SGCD: variants seen among roughly 807,000 people sequenced by gnomAD.
The protein encoded by SGCD is sarcoglycan delta.
A neutral mutation model predicts 36.6 loss-of-function variants in SGCD; 18 were observed. The ratio of observed to expected loss-of-function variants is 0.49; its 90% CI spans 0.34 to 0.73. The LOEUF (loss-of-function observed/expected upper bound fraction) is 0.73, where lower values mean the gene tolerates loss of function less well. Among genes scored for constraint, SGCD ranks in the 30% least tolerant of loss-of-function variants. The pLI, the probability that SGCD is intolerant of heterozygous loss-of-function variation, is 0.01. For missense variants in SGCD, 387 were observed against 346.7 expected, an observed-to-expected ratio of 1.12 and a Z score of -0.92; for synonymous variants, 133 against 130.6, an observed-to-expected ratio of 1.02 and a Z score of -0.12.
intron 4 of SGCD, among the ~76,000 whole-genome samples, chr5:156,563,711 G>A (rs755199914): frequency 6.6e-6 from 1 of 152,052 alleles, no homozygotes; most frequent in Non-Finnish European, 1.5e-5. Context: ...GGATCAGTTG[G>A]TCAGTTCTGA....
At chr5:156,685,365 T>C (rs1753866505) in intron 7 of SGCD, among the ~76,000 whole-genome samples, 4 of 152,166 alleles carry the variant, frequency 2.6e-5, no homozygotes, top group Non-Finnish European at 5.9e-5. Context: ...AAGTTGTCGG[T>C]GTTGCTCTAT....
At chr5:155,939,659 AT>A (rs1561656741) in intron 1 of SGCD, among the ~76,000 whole-genome samples, 8 of 139,576 alleles carry the variant, frequency 5.7e-5, no homozygotes, top group Admixed American at 1.5e-4. Context: ...AAAAAAAAAA[AT>A]AATAATAATG....
intron 3 of SGCD, among the ~76,000 whole-genome samples, chr5:156,126,521 A>C (rs1384269700): frequency 6.6e-6 from 1 of 152,154 alleles, no homozygotes; most frequent in Non-Finnish European, 1.5e-5. Flanking sequence ...CATGTTCATC[A>C]CAGGGCTCTG....
chr5:156,402,543 G>A (rs1014491790), intron 3 of SGCD, among the ~76,000 whole-genome samples: 1 of 152,176 alleles, frequency 6.6e-6, no homozygotes, highest in Non-Finnish European at 1.5e-5. Context: ...TTCAGAAGGG[G>A]GTGGGAAGAG....
At chr5:156,730,218 G>C (rs1048024753) in intron 7 of SGCD, among the ~76,000 whole-genome samples, 1 of 152,092 alleles carries the variant, frequency 6.6e-6, no homozygotes, top group Non-Finnish European at 1.5e-5. Context: ...CCTAGATTCT[G>C]TGCAGTTTTT....
intron 3 of SGCD, among the ~76,000 whole-genome samples, chr5:156,286,708 G>C (rs1211475994): frequency 6.6e-6 from 1 of 152,040 alleles, no homozygotes; most frequent in Non-Finnish European, 1.5e-5. Context: ...AGCATTTGGA[G>C]ATATATCTAA....
chr5:155,902,572 A>G (rs932911799), intron 1 of SGCD, among the ~76,000 whole-genome samples: 3 of 152,216 alleles, frequency 2.0e-5, no homozygotes, highest in Non-Finnish European at 2.9e-5. Context: ...TATGCAAACC[A>G]GGTCAGGAAC....
upstream of SGCD, among the ~76,000 whole-genome samples, chr5:155,869,994 G>A (rs979305713): frequency 2.0e-4 from 25 of 122,948 alleles, no homozygotes; most frequent in Non-Finnish European, 3.5e-4. Context: ...GCGAGACTCC[G>A]TCTCAACAAC....
intron 1 of SGCD, among the ~76,000 whole-genome samples, chr5:155,970,835 G>A (rs1757993954): frequency 6.6e-6 from 1 of 152,180 alleles, no homozygotes; most frequent in South Asian, 2.1e-4. Context: ...AGTTGTTTCA[G>A]TAGCAAGTAT....
chr5:156,709,445 C>G (rs2113750081), intron 7 of SGCD, among the ~76,000 whole-genome samples: 1 of 152,300 alleles, frequency 6.6e-6, no homozygotes, highest in African/African-American at 2.4e-5. Flanking sequence ...TGCACAGAGT[C>G]ACAATGGCTT....
chr5:155,962,424 A>G (rs1433462833), intron 1 of SGCD, among the ~76,000 whole-genome samples: 2 of 152,020 alleles, frequency 1.3e-5, no homozygotes, highest in Non-Finnish European at 2.9e-5. Flanking sequence ...CCACTAACCT[A>G]GGTCATGCTG....
the SGCD span, among the ~76,000 whole-genome samples, chr5:155,819,849 C>G: frequency 7.6e-4 from 115 of 152,300 alleles, no homozygotes; most frequent in African/African-American, 2.6e-3. Flanking sequence ...CAGTAACACT[C>G]TTGTGACCTC....
At chr5:155,841,659 C>G in the SGCD span, among the ~76,000 whole-genome samples, 1 of 152,014 alleles carries the variant, frequency 6.6e-6, no homozygotes, top group South Asian at 2.1e-4. Flanking sequence ...ATGTGTTTTT[C>G]TAGTATGCCA....
chr5:156,568,549 G>A (rs1312927837), intron 4 of SGCD, among the ~76,000 whole-genome samples: 1 of 152,154 alleles, frequency 6.6e-6, no homozygotes, highest in Non-Finnish European at 1.5e-5. Context: ...GCTAATTGAT[G>A]TCCTAGTGAC....
At chr5:156,352,569 C>G (rs1342732496) in intron 3 of SGCD, among the ~76,000 whole-genome samples, 1 of 152,174 alleles carries the variant, frequency 6.6e-6, no homozygotes, top group African/African-American at 2.4e-5. Context: ...TGATAGCTAC[C>G]TATACCTGTA....
chr5:156,423,559 T>C (rs1439526919), intron 3 of SGCD, among the ~76,000 whole-genome samples: 1 of 150,026 alleles, frequency 6.7e-6, no homozygotes, highest in African/African-American at 2.5e-5. Flanking sequence ...ATATCTAGCA[T>C]CATTTCTTGT....
At chr5:156,205,145 G>C (rs1764245258) in intron 3 of SGCD, among the ~76,000 whole-genome samples, 3 of 151,958 alleles carry the variant, frequency 2.0e-5, no homozygotes, top group African/African-American at 7.2e-5. Context: ...TCCCAAAACA[G>C]ACTTCAGAAC....
At chr5:156,395,389 G>A (rs1043077757) in intron 3 of SGCD, among the ~76,000 whole-genome samples, 9 of 152,200 alleles carry the variant, frequency 5.9e-5, no homozygotes, top group African/African-American at 2.2e-4. Context: ...ATTTAATGAC[G>A]TCCTGGCCAT....
intron 3 of SGCD, among the ~76,000 whole-genome samples, chr5:156,273,922 A>T (rs1766248951): frequency 6.6e-6 from 1 of 152,146 alleles, no homozygotes; most frequent in African/African-American, 2.4e-5. Context: ...TTCTATTCTC[A>T]GGGATTGGAC....
Sources: allele counts gnomAD v4.1 joint callset (sites outside exome capture counted in the v4.1 genomes callset), GRCh38; gene constraint gnomAD v4.1.1; transcripts MANE v1.5; gene names NCBI Gene and HGNC (gene_info 2026-07-23, HGNC 2026-07-21).